NRG3: variants seen among roughly 807,000 people sequenced by gnomAD.
NRG3 encodes pro-neuregulin-3, membrane-bound isoform.
A neutral mutation model predicts 66.9 loss-of-function variants in NRG3; 31 were observed. The observed-to-expected ratio is 0.46, with a 90% CI of 0.35 to 0.63. The LOEUF is 0.63. NRG3 is among the 20% of genes least tolerant of loss of function. The pLI, the probability that NRG3 is intolerant of heterozygous loss-of-function variation, is 0.00. For missense variants in NRG3, 910 were observed against 878.9 expected (o/e 1.04, Z -0.45); for synonymous variants, 393 against 359.4 (o/e 1.09, Z -1.06).
chr10:82,489,583 AGGG>A (rs1193874053), intron 2 of NRG3, among the ~76,000 whole-genome samples: 1 of 150,464 alleles, frequency 6.6e-6, no homozygotes, highest in Non-Finnish European at 1.5e-5. Context: ...TGTCACAAAC[AGGG>A]GGCTGGAGCC....
chr10:82,078,349 C>G (rs1471225056), intron 1 of NRG3, among the ~76,000 whole-genome samples: 1 of 152,074 alleles, frequency 6.6e-6, no homozygotes, highest in Non-Finnish European at 1.5e-5. Context: ...TACACATTAT[C>G]ATTATTATTG....
chr10:82,516,376 A>G (rs1199923375), intron 2 of NRG3, among the ~76,000 whole-genome samples: 2 of 152,206 alleles, frequency 1.3e-5, no homozygotes, highest in South Asian at 2.1e-4. Flanking sequence ...ACTTTCTCCC[A>G]AGATCAGCCT....
At chr10:82,202,565 T>C (rs722981) in intron 1 of NRG3, among the ~76,000 whole-genome samples, 112,218 of 152,086 alleles carry the variant, frequency 0.74, 42,025 homozygotes, top group South Asian at 0.83. Context: ...TTTTACAAAT[T>C]ACACTATCAA....
intron 1 of NRG3, among the ~76,000 whole-genome samples, chr10:81,989,939 G>A (rs1479207244): frequency 2.0e-5 from 3 of 152,116 alleles, no homozygotes; most frequent in Non-Finnish European, 4.4e-5. Context: ...GAGAAATGAA[G>A]TATAAATTAG....
chr10:82,906,921 G>C (rs769031863), intron 4 of NRG3, among the ~76,000 whole-genome samples: 35 of 152,080 alleles, frequency 2.3e-4, no homozygotes, highest in Non-Finnish European at 4.4e-4. Flanking sequence ...ATACACATAA[G>C]GAAATAAAGA....
At chr10:82,895,009 T>C (rs950099565) in intron 4 of NRG3, among the ~76,000 whole-genome samples, 1 of 152,194 alleles carries the variant, frequency 6.6e-6, no homozygotes, top group African/African-American at 2.4e-5. Context: ...TTTTCTGTTC[T>C]TGTGTTACTT....
intron 2 of NRG3, among the ~76,000 whole-genome samples, chr10:82,666,950 T>C (rs1050711843): frequency 1.3e-4 from 20 of 152,238 alleles, no homozygotes; most frequent in Non-Finnish European, 2.8e-4. Flanking sequence ...GCACATCGTC[T>C]AGAAACTTTA....
intron 1 of NRG3, among the ~76,000 whole-genome samples, chr10:81,973,133 C>G (rs2059991458): frequency 6.6e-6 from 1 of 152,060 alleles, no homozygotes; most frequent in African/African-American, 2.4e-5. Context: ...TATCATTTAG[C>G]TTCCACATAT....
chr10:82,654,172 C>T (rs2051664802), intron 2 of NRG3, among the ~76,000 whole-genome samples: 1 of 152,114 alleles, frequency 6.6e-6, no homozygotes, highest in South Asian at 2.1e-4. Context: ...TGACCCCTTT[C>T]CCTCTTAAGT....
intron 1 of NRG3, among the ~76,000 whole-genome samples, chr10:81,884,211 C>G (rs1842418785): frequency 6.6e-6 from 1 of 152,114 alleles, no homozygotes; most frequent in Admixed American, 6.5e-5. Context: ...TCACTATATC[C>G]ATTTGTACAT....
chr10:82,745,168 T>G (rs533554853), intron 3 of NRG3, among the ~76,000 whole-genome samples: 1 of 152,120 alleles, frequency 6.6e-6, no homozygotes, highest in African/African-American at 2.4e-5. Flanking sequence ...AGGATTTCTC[T>G]AGGAGAGAAG....
Position 82,370,031 on chromosome 10 carries a change from G to A in NRG3, c.953+11163G>A, listed in dbSNP as rs575898195. ...CTTTGGCTCCACAGTGGTGTCTGGA[G>A]GTGGATACCTGCAACCCTCCACGTT... On this transcript the variant is annotated intron_variant, in intron 2 of 8. Transcript: ENST00000372141. Among the ~76,000 whole-genome samples, 12 of 138,634 alleles carry A rather than the reference G, an allele frequency of 8.7e-5. 2 individuals are homozygous for A. In the East Asian group the frequency reaches 2.6e-3, roughly 30 times the overall value. 90.9% of individuals were successfully genotyped at this position (138,634 alleles called of 152,430 possible). A position where few individuals can be genotyped will look rare whatever the true frequency, so the allele number is the denominator to read the frequency against.
intron 2 of NRG3, among the ~76,000 whole-genome samples, chr10:82,462,484 A>G (rs922278917): frequency 6.6e-6 from 1 of 152,214 alleles, no homozygotes; most frequent in African/African-American, 2.4e-5. Context: ...AGGCAGGGAA[A>G]TGTCCTGTTG....
At chr10:82,877,537 C>CTTTTT (rs61471998) in intron 4 of NRG3, among the ~76,000 whole-genome samples, 5 of 74,940 alleles carry the variant, frequency 6.7e-5, no homozygotes, top group Non-Finnish European at 1.2e-4. Flanking sequence ...CCACACCCGG[C>CTTTTT]TTTTTTTTTT....
chr10:82,754,427 G>T (rs908346459), intron 3 of NRG3, among the ~76,000 whole-genome samples: 1 of 151,386 alleles, frequency 6.6e-6, no homozygotes, highest in Admixed American at 6.6e-5. Flanking sequence ...ATATACTTAG[G>T]AGTTGATTGT....
chr10:82,666,645 T>C (rs2052808033), intron 2 of NRG3, among the ~76,000 whole-genome samples: 1 of 152,206 alleles, frequency 6.6e-6, no homozygotes, highest in Admixed American at 6.5e-5. Flanking sequence ...CATTTTGACA[T>C]TGCCGTATGG....
chr10:82,049,718 C>T (rs1224589923), intron 1 of NRG3, among the ~76,000 whole-genome samples: 1 of 151,990 alleles, frequency 6.6e-6, no homozygotes, highest in African/African-American at 2.4e-5. Flanking sequence ...GCACTCTCTG[C>T]ATCCAATTGG....
chr10:82,700,766 C>A (rs2246280), intron 2 of NRG3, among the ~76,000 whole-genome samples: 2 of 152,054 alleles, frequency 1.3e-5, no homozygotes, highest in Non-Finnish European at 1.5e-5. Flanking sequence ...TGGCATAAAT[C>A]GTAGTTTTAA....
In NRG3 at chr10:82,149,330, T is replaced by C. The variant is rs544224144; in HGVS notation, c.824-209409T>C. ...GGGAGCTACCCAGTAACTGATTATA[T>C]TGACAAAGTCATGCCATAAATAAGA... On this transcript the variant is annotated intron_variant, in intron 1 of 8. Transcript: ENST00000372141. Among the ~76,000 whole-genome samples, 23 of 152,304 alleles carry C rather than the reference T, an allele frequency of 1.5e-4. No individual in the cohort carries two copies. In the South Asian group the frequency reaches 4.6e-3, roughly 30 times the overall value.
Sources: allele counts gnomAD v4.1 joint callset (sites outside exome capture counted in the v4.1 genomes callset), GRCh38; gene constraint gnomAD v4.1.1; transcripts MANE v1.5; gene names NCBI Gene and HGNC (gene_info 2026-07-23, HGNC 2026-07-21).